The following ATP13A4 variants were observed in gnomAD, a reference collection of about 807,000 sequenced individuals.
The protein encoded by ATP13A4 is ATPase 13A4, also known as probable cation-transporting ATPase 13A4.
In ATP13A4, 114 loss-of-function variants were observed where a neutral mutation model predicts 142.5. That is an observed-to-expected ratio of 0.80 (90% confidence interval 0.69 to 0.93). The LOEUF (loss-of-function observed/expected upper bound fraction) is 0.93, where lower values mean the gene tolerates loss of function less well. Ranked by LOEUF, ATP13A4 falls within the 40% of genes least tolerant of loss-of-function variation. The pLI is 0.00. For missense variants in ATP13A4, 1,392 were observed against 1,454.0 expected (o/e 0.96, Z 0.69); for synonymous variants, 488 against 514.8 (o/e 0.95, Z 0.70).
chr3:193,587,130 T>C (rs1270633061), intron 1 of ATP13A4, among the ~76,000 whole-genome samples: 1 of 152,216 alleles, frequency 6.6e-6, no homozygotes, highest in African/African-American at 2.4e-5. Flanking sequence ...CCAGGTGATA[T>C]TAGTCTCCAA....
At chr3:193,549,485 G>A (rs774496396) in intron 1 of ATP13A4, among the ~76,000 whole-genome samples, 137 of 151,842 alleles carry the variant, frequency 9.0e-4, no homozygotes, top group Admixed American at 2.9e-3. Context: ...AAGTATAATG[G>A]AAAGTCTAAT....
chr3:193,497,737 C>T (rs1446758133), intron 3 of ATP13A4, among the ~76,000 whole-genome samples: 1 of 151,486 alleles, frequency 6.6e-6, no homozygotes, highest in Non-Finnish European at 1.5e-5. Context: ...GTTATTTGGC[C>T]CTAAAAAGAA....
intron 3 of ATP13A4, among the ~76,000 whole-genome samples, chr3:193,493,603 G>A (rs568117030): frequency 8.5e-5 from 13 of 152,216 alleles, no homozygotes; most frequent in South Asian, 4.1e-4. Flanking sequence ...TTACAGTGTC[G>A]AAGGATTGGA....
In ATP13A4 at chr3:193,402,850, T is replaced by C. The variant is rs1714317497; in HGVS notation, c.3393A>G (p.Glu1131=). 1.9e-6 allele frequency: 3 copies of C among 1,614,090 alleles called. No homozygotes were observed. Among genetic ancestry groups the C allele is most frequent in the Middle Eastern group, 1.7e-4 (1 of 6,052 alleles). Residue 1131 remains glutamate (E), a synonymous_variant, in exon 30 of 30, where the codon GAA becomes GAG. Coordinates refer to ENST00000342695, the MANE Select transcript of ATP13A4 (RefSeq NM_032279.4). ...TAATCATCATCCACAGGGCTCGATT[T>C]TCAATAACAGCCTCCTGCAAAATAA... ...VSLVAEEAVI[E]NRALWMMIKR...
At chr3:193,516,756 A>G (rs1300878853) in intron 1 of ATP13A4, among the ~76,000 whole-genome samples, 1 of 152,198 alleles carries the variant, frequency 6.6e-6, no homozygotes, top group Non-Finnish European at 1.5e-5. Context: ...TCGGTTCTAT[A>G]GCAAAAACCT....
intron 8 of ATP13A4, among the ~76,000 whole-genome samples, chr3:193,479,556 T>C (rs1719170919): frequency 1.3e-5 from 2 of 152,070 alleles, no homozygotes; most frequent in Non-Finnish European, 1.5e-5. Flanking sequence ...GAAATACGCC[T>C]AAACAAAGAG....
chr3:193,429,200 T>A (rs926951489), intron 25 of ATP13A4, among the ~76,000 whole-genome samples: 8 of 152,074 alleles, frequency 5.3e-5, no homozygotes, highest in Non-Finnish European at 8.8e-5. Flanking sequence ...CCTTATACAT[T>A]GCTAGTGAGA....
intron 25 of ATP13A4, among the ~76,000 whole-genome samples, chr3:193,424,245 A>G (rs1715541896): frequency 2.0e-5 from 3 of 149,434 alleles, no homozygotes; most frequent in Middle Eastern, 3.4e-3. Flanking sequence ...TTGTTGAAAT[A>G]TCCCTGCTAC....
intron 7 of ATP13A4, among the ~76,000 whole-genome samples, chr3:193,486,809 T>C (rs1719649001): frequency 6.6e-6 from 1 of 152,190 alleles, no homozygotes; most frequent in Admixed American, 6.6e-5. Flanking sequence ...TGAAGAATCT[T>C]TTATGCACTT....
intron 1 of ATP13A4, among the ~76,000 whole-genome samples, chr3:193,552,657 G>A (rs2108730158): frequency 6.6e-6 from 1 of 152,310 alleles, no homozygotes; most frequent in East Asian, 1.9e-4. Context: ...GTTCTGTTAA[G>A]AGTGGAATGT....
At position 193,457,097 on chromosome 3, in the gene ATP13A4, T is replaced by G; in HGVS notation, c.1818A>C (p.Gln606His). ...TCTCTTGGACAATGACTGTCATTCT[T>G]TGCAGTGCCGATGAGAATGGGAACT... ...LHQFPFSSAL[Q>H]RMTVIVQEMG... Residue 606 changes from glutamine (Q) to histidine (H), a missense_variant, in exon 16 of 30, where the codon CAA (glutamine) becomes CAC (histidine). Physicochemically the swap from Gln to His is conservative, Grantham distance 24. Coordinates refer to ENST00000342695, the MANE Select transcript of ATP13A4 (RefSeq NM_032279.4). 6.2e-7 allele frequency: 1 copy of G among 1,613,920 alleles called. No homozygotes were observed. The highest frequency in any genetic ancestry group is 8.5e-7 in the Non-Finnish European group (1 of 1,180,038).
chr3:193,539,048 T>C (rs561526272), intron 1 of ATP13A4, among the ~76,000 whole-genome samples: 1 of 152,214 alleles, frequency 6.6e-6, no homozygotes, highest in African/African-American at 2.4e-5. Flanking sequence ...TAATTTTGTA[T>C]TTTTAGTAGA....
chr3:193,593,054 C>G, exon 1 of ATP13A4: 1 of 356,910 alleles, frequency 2.8e-6, no homozygotes, highest in Non-Finnish European at 5.0e-6. Context: ...AAATCGGAAG[C>G]AAGAGGGCGG....
At chr3:193,422,392 A>G (rs1715450059) in intron 25 of ATP13A4, among the ~76,000 whole-genome samples, 1 of 149,400 alleles carries the variant, frequency 6.7e-6, no homozygotes. Context: ...ACAGACATAT[A>G]CAAAACTTTC....
In ATP13A4 at chr3:193,402,616, T is replaced by C; in HGVS notation, c.*36A>G. 1 of 805,956 alleles carries C rather than the reference T, an allele frequency of 1.2e-6. No homozygotes were observed. The highest frequency in any genetic ancestry group is 1.3e-5 in the South Asian group (1 of 74,804). 49.9% of individuals were successfully genotyped at this position (805,956 alleles called of 1,614,324 possible). A position where few individuals can be genotyped will look rare whatever the true frequency, so the allele number is the denominator to read the frequency against. ...ATGAAACTGGTCCCTTTTGTCATTG[T>C]TTCTCTGTAATATCAACTTGGATAT... On this transcript the variant is annotated 3_prime_UTR_variant, in exon 30 of 30. Coordinates refer to ENST00000342695, the MANE Select transcript of ATP13A4 (RefSeq NM_032279.4).
At chr3:193,534,866 TGAG>T (rs751432466) in intron 1 of ATP13A4, among the ~76,000 whole-genome samples, 9 of 152,062 alleles carry the variant, frequency 5.9e-5, no homozygotes, top group Non-Finnish European at 1.2e-4. Context: ...CCTACAAATT[TGAG>T]GAGATGAGTC....
chr3:193,488,639 C>T (rs1719771937), intron 7 of ATP13A4, among the ~76,000 whole-genome samples: 1 of 152,074 alleles, frequency 6.6e-6, no homozygotes, highest in Non-Finnish European at 1.5e-5. Context: ...GGGAGGAAGA[C>T]ATGTCGGCAT....
At chr3:193,525,507 G>C (rs1470411711) in intron 1 of ATP13A4, among the ~76,000 whole-genome samples, 1 of 152,174 alleles carries the variant, frequency 6.6e-6, no homozygotes, top group Non-Finnish European at 1.5e-5. Context: ...TATGAACTAA[G>C]AGAGGAAAAG....
chr3:193,586,539 T>C (rs905630835), intron 1 of ATP13A4, among the ~76,000 whole-genome samples: 1 of 152,232 alleles, frequency 6.6e-6, no homozygotes, highest in Non-Finnish European at 1.5e-5. Context: ...AAATTTATAC[T>C]AAATTTTGTG....
Sources: allele counts gnomAD v4.1 joint callset (sites outside exome capture counted in the v4.1 genomes callset), GRCh38; gene constraint gnomAD v4.1.1; transcripts MANE v1.5; gene names NCBI Gene and HGNC (gene_info 2026-07-23, HGNC 2026-07-21).